CHCHD6: variants seen among roughly 807,000 people sequenced by gnomAD.
CHCHD6 encodes the protein coiled-coil-helix-coiled-coil-helix domain containing 6.
In CHCHD6, 28 loss-of-function variants were observed where a neutral mutation model predicts 32.3. The observed-to-expected ratio is 0.87, with a 90% CI of 0.64 to 1.19. The LOEUF (loss-of-function observed/expected upper bound fraction) is 1.19, where lower values mean the gene tolerates loss of function less well. Ranked by LOEUF, CHCHD6 falls within the 50% of genes most tolerant of loss-of-function variation. CHCHD6 has a pLI of 0.00. For missense variants in CHCHD6, 333 were observed against 307.0 expected, an observed-to-expected ratio of 1.08 and a Z score of -0.63; for synonymous variants, 122 against 117.5, an observed-to-expected ratio of 1.04 and a Z score of -0.25.
intron 6 of CHCHD6, among the ~76,000 whole-genome samples, chr3:126,942,642 G>A (rs1199591984): frequency 2.4e-4 from 36 of 152,150 alleles, no homozygotes; most frequent in Admixed American, 2.2e-3. Context: ...AGCGCAAGGT[G>A]TTCAGGCTCA....
Position 126,734,482 on chromosome 3 carries a change from C to T in CHCHD6, c.411+1260C>T, listed in dbSNP as rs144137708. 5.3e-5 allele frequency among the ~76,000 whole-genome samples: 8 copies of T among 152,314 alleles called. No homozygotes were observed. In the East Asian group the frequency reaches 1.4e-3, roughly 26 times the overall value. Reference sequence around the variant, plus strand: ...GGAGGCCAGACATGCTGGCTGGGCACAGGCCTTAGCTTACTAATTTGATGA... The same window carrying T: ...GGAGGCCAGACATGCTGGCTGGGCATAGGCCTTAGCTTACTAATTTGATGA... On this transcript the variant is annotated intron_variant, in intron 4 of 7. Transcript: ENST00000290913.
intron 6 of CHCHD6, chr3:126,953,126 C>T (rs2078738584): frequency 1.0e-6 from 1 of 985,516 alleles, no homozygotes; most frequent in Non-Finnish European, 1.2e-6. Flanking sequence ...GGGGTCCTCC[C>T]CCATACCTGA....
At chr3:126,864,563 T>A (rs2107562604) in intron 5 of CHCHD6, among the ~76,000 whole-genome samples, 1 of 132,066 alleles carries the variant, frequency 7.6e-6, no homozygotes, top group Non-Finnish European at 1.6e-5. Flanking sequence ...CTCCTCCTCC[T>A]TCTCCACCAC....
intron 5 of CHCHD6, among the ~76,000 whole-genome samples, chr3:126,862,438 T>A (rs867146587): frequency 3.0e-5 from 3 of 100,434 alleles, no homozygotes; most frequent in South Asian, 4.3e-4. Context: ...CTCCTCCTCC[T>A]CCACCATCAC....
At chr3:126,875,101 G>C (rs1469342915) in intron 5 of CHCHD6, among the ~76,000 whole-genome samples, 2 of 152,252 alleles carry the variant, frequency 1.3e-5, no homozygotes, top group East Asian at 3.8e-4. Context: ...GCGGAGCTCA[G>C]TGTTTCCTAG....
intron 5 of CHCHD6, among the ~76,000 whole-genome samples, chr3:126,853,888 C>T (rs1234098951): frequency 6.6e-6 from 1 of 152,162 alleles, no homozygotes; most frequent in Non-Finnish European, 1.5e-5. Flanking sequence ...TTCCACCAGC[C>T]ATAGCTCTAA....
At chr3:126,849,451 A>C (rs1487270007) in intron 4 of CHCHD6, among the ~76,000 whole-genome samples, 1 of 152,230 alleles carries the variant, frequency 6.6e-6, no homozygotes, top group East Asian at 1.9e-4. Context: ...AGTAGGGTAG[A>C]GGCATCAAAG....
intron 5 of CHCHD6, among the ~76,000 whole-genome samples, chr3:126,912,966 T>TTTGCCC (rs113815207): frequency 1.3e-5 from 2 of 152,040 alleles, no homozygotes; most frequent in Non-Finnish European, 2.9e-5. Flanking sequence ...CCTGGGTGGC[T>TTTGCCC]CTGTGCACCT....
chr3:126,788,084 A>G (rs1938316606), intron 4 of CHCHD6, among the ~76,000 whole-genome samples: 1 of 152,126 alleles, frequency 6.6e-6, no homozygotes, highest in African/African-American at 2.4e-5. Flanking sequence ...TGAGATAATC[A>G]TGTTGTTTTT....
At chr3:126,801,716 TC>T (rs1199334360) in intron 4 of CHCHD6, among the ~76,000 whole-genome samples, 1 of 152,164 alleles carries the variant, frequency 6.6e-6, no homozygotes, top group Non-Finnish European at 1.5e-5. Flanking sequence ...GCAGTGGTTC[TC>T]CCAGCACGCA....
chr3:126,872,077 G>T (rs980432949), intron 5 of CHCHD6, among the ~76,000 whole-genome samples: 1 of 152,142 alleles, frequency 6.6e-6, no homozygotes, highest in African/African-American at 2.4e-5. Context: ...TCAACCAGGG[G>T]TGCTTTTGCC....
intron 4 of CHCHD6, among the ~76,000 whole-genome samples, chr3:126,770,819 T>C (rs1937529417): frequency 6.6e-6 from 1 of 152,230 alleles, no homozygotes; most frequent in Admixed American, 6.5e-5. Context: ...AGGTTTTTGG[T>C]ATCAGGATGA....
chr3:126,838,192 C>A (rs1013027430), intron 4 of CHCHD6, among the ~76,000 whole-genome samples: 1 of 152,156 alleles, frequency 6.6e-6, no homozygotes, highest in Admixed American at 6.5e-5. Context: ...AGCAGATGGT[C>A]TTGTAATAGA....
At chr3:126,918,966 G>A (rs2078207073) in intron 6 of CHCHD6, among the ~76,000 whole-genome samples, 2 of 152,104 alleles carry the variant, frequency 1.3e-5, no homozygotes, top group African/African-American at 4.8e-5. Flanking sequence ...TTTACTCATA[G>A]GTTATTTCAA....
rs562903297 is a variant in CHCHD6, at chr3:126,751,086, G to A, written c.411+17864G>A. ...CCCTGGAGTCACCACCGGTAGGGCT[G>A]AAAAGGAATGTATGTTTTTCTTTTG... is the stretch of plus-strand genomic sequence containing the variant. On this transcript the variant is annotated intron_variant, in intron 4 of 7. Coordinates refer to ENST00000290913, the MANE Select transcript of CHCHD6 (RefSeq NM_032343.3). Among the ~76,000 whole-genome samples the A allele has an allele frequency of 5.9e-5, 9 of 152,092 alleles. No homozygotes were observed. In the South Asian group the frequency reaches 1.5e-3, roughly 25 times the overall value.
chr3:126,789,417 T>C (rs914488619), intron 4 of CHCHD6, among the ~76,000 whole-genome samples: 3 of 152,148 alleles, frequency 2.0e-5, no homozygotes, highest in African/African-American at 7.2e-5. Flanking sequence ...ATGTTGACAG[T>C]GGGGTGTTAA....
intron 4 of CHCHD6, chr3:126,766,473 C>A: frequency 1.4e-6 from 1 of 717,164 alleles, no homozygotes; most frequent in Non-Finnish European, 2.6e-6. Context: ...GTTTCTTGAT[C>A]TTCTCTTTCT....
intron 4 of CHCHD6, among the ~76,000 whole-genome samples, chr3:126,745,544 T>C (rs1463194980): frequency 6.6e-6 from 1 of 151,854 alleles, no homozygotes; most frequent in Non-Finnish European, 1.5e-5. Context: ...ACTAATAGAG[T>C]CTAAAGGATA....
At chr3:126,884,955 A>G (rs144967361) in intron 5 of CHCHD6, among the ~76,000 whole-genome samples, 156 of 152,266 alleles carry the variant, frequency 1.0e-3, no homozygotes, top group Non-Finnish European at 2.0e-3. Context: ...GGAGATCCTC[A>G]ATGTCTCTGC....
Sources: gnomAD v4.1 joint callset for allele counts (sites outside exome capture counted in the v4.1 genomes callset) on GRCh38, gnomAD v4.1.1 for gene constraint, MANE v1.5 for transcripts, NCBI Gene and HGNC (gene_info 2026-07-23, HGNC 2026-07-21) for gene names.